The following SFXN5 variants were observed in gnomAD, a reference collection of about 807,000 sequenced individuals.
The protein encoded by SFXN5 is sideroflexin-5.
In SFXN5, 43 loss-of-function variants were observed where a neutral mutation model predicts 50.2. That is an observed-to-expected ratio of 0.86 (90% CI 0.67 to 1.11). The LOEUF is 1.11. Among genes scored for constraint, SFXN5 ranks in the 50% least tolerant of loss-of-function variants. The probability of loss-of-function intolerance (pLI) is 0.00; values close to 1 mark genes in which losing one functional copy is unlikely to be tolerated. For missense variants in SFXN5, 463 were observed against 454.1 expected (o/e 1.02, Z -0.18); for synonymous variants, 203 against 185.8 (o/e 1.09, Z -0.75).
At chr2:73,030,129 C>A (rs1678116625) in intron 3 of SFXN5, among the ~76,000 whole-genome samples, 2 of 151,434 alleles carry the variant, frequency 1.3e-5, no homozygotes, top group South Asian at 4.2e-4. Flanking sequence ...CAAAAAAAAA[C>A]AAAAACAAAA....
At chr2:73,068,839 C>G (rs1325709126) in intron 1 of SFXN5, among the ~76,000 whole-genome samples, 2 of 151,440 alleles carry the variant, frequency 1.3e-5, no homozygotes, top group East Asian at 1.9e-4. Flanking sequence ...AAAATCCAAC[C>G]TGGGAGTGCA....
chr2:72,977,709 T>C lies in SFXN5; in HGVS notation c.626-6024A>G, dbSNP rs140486180. Among the ~76,000 whole-genome samples, 1,054 of 152,262 alleles carry C rather than the reference T, an allele frequency of 6.9e-3. 15 individuals carry two copies. The highest frequency in any genetic ancestry group is 0.024 in the African/African-American group (1,005 of 41,536). ...GAAACTCTAGGTGGGGTGTGGTGCC[T>C]CACTCCTGTAATCCCAGCACTTTGG... On this transcript the variant is annotated intron_variant, in intron 10 of 13. Coordinates refer to ENST00000272433, the MANE Select transcript of SFXN5 (RefSeq NM_144579.3).
At chr2:73,020,542 G>A (rs899669382) in intron 5 of SFXN5, among the ~76,000 whole-genome samples, 1 of 152,080 alleles carries the variant, frequency 6.6e-6, no homozygotes, top group East Asian at 1.9e-4. Flanking sequence ...GGCTGCCTGC[G>A]ACCTGGGGCA....
rs1401093079 is a variant in SFXN5 at position 73,040,731 on chromosome 2, G to T, written c.249+123C>A. 2.3e-5 allele frequency: 16 copies of T among 691,000 alleles called. No homozygotes were observed. In the East Asian group the frequency reaches 4.5e-4, roughly 19 times the overall value. The allele number at this position is 691,000 out of a possible 1,614,324, so 42.8% of individuals were successfully genotyped here. A position where few individuals can be genotyped will look rare whatever the true frequency, so the allele number is the denominator to read the frequency against. ...TCCAAAGAGCTTTTAGTCCACAGGG[G>T]TATGTACCAGCAGAAGTATATGCTG... On this transcript the variant is annotated intron_variant, in intron 3 of 13. Transcript: ENST00000272433.
intron 12 of SFXN5, among the ~76,000 whole-genome samples, chr2:72,966,463 A>G (rs1192420057): frequency 3.3e-5 from 5 of 152,218 alleles, no homozygotes; most frequent in Non-Finnish European, 7.3e-5. Flanking sequence ...AGTCAGGGGC[A>G]CAAAAGAGCC....
intron 1 of SFXN5, among the ~76,000 whole-genome samples, chr2:73,061,603 C>A (rs1462491373): frequency 1.3e-5 from 2 of 151,968 alleles, no homozygotes; most frequent in Non-Finnish European, 2.9e-5. Context: ...TTCTTGCAAC[C>A]TTTCTGTAAG....
intron 3 of SFXN5, among the ~76,000 whole-genome samples, chr2:73,035,581 C>A (rs1447661847): frequency 6.7e-6 from 1 of 149,620 alleles, no homozygotes; most frequent in Non-Finnish European, 1.5e-5. Context: ...CTCACTGCAA[C>A]CTCCACCTCC....
In SFXN5 at chr2:72,944,836, C is replaced by T. The variant is rs1671752579; in HGVS notation, c.*186G>A. 1.8e-6 allele frequency: 1 copy of T among 570,754 alleles called. No homozygotes were observed. Among genetic ancestry groups the T allele is most frequent in the Non-Finnish European group, 3.1e-6 (1 of 319,880 alleles). 35.4% of individuals were successfully genotyped at this position (570,754 alleles called of 1,614,324 possible). ...TTTTTTTGTACGAAATGTGTTAGAA[C>T]TCCTCTTGCCTATGTTAAAATGTGA... is the stretch of plus-strand genomic sequence containing the variant. On this transcript the variant is annotated 3_prime_UTR_variant, in exon 14 of 14. Transcript: ENST00000272433.
At chr2:73,009,738 T>A (rs1024274673) in intron 6 of SFXN5, among the ~76,000 whole-genome samples, 3 of 152,218 alleles carry the variant, frequency 2.0e-5, no homozygotes, top group Admixed American at 2.0e-4. Flanking sequence ...ATTCACAGCA[T>A]CTGCTTCAGC....
intron 6 of SFXN5, among the ~76,000 whole-genome samples, chr2:73,006,992 A>G (rs2105740406): frequency 6.6e-6 from 1 of 152,328 alleles, no homozygotes; most frequent in African/African-American, 2.4e-5. Context: ...GAAAAATCAC[A>G]TCTTCACTTT....
intron 1 of SFXN5, among the ~76,000 whole-genome samples, chr2:73,063,988 A>G (rs985604344): frequency 6.6e-6 from 1 of 152,208 alleles, no homozygotes; most frequent in Non-Finnish European, 1.5e-5. Flanking sequence ...TACTGGAAGA[A>G]TGAGTCAGCC....
intron 2 of SFXN5, among the ~76,000 whole-genome samples, chr2:73,057,239 A>G (rs975984424): frequency 2.0e-5 from 3 of 152,164 alleles, no homozygotes; most frequent in African/African-American, 7.2e-5. Context: ...CTCAGGCTCA[A>G]GCAATCCTCC....
At chr2:73,047,598 C>T (rs1680676413) in intron 2 of SFXN5, among the ~76,000 whole-genome samples, 1 of 151,830 alleles carries the variant, frequency 6.6e-6, no homozygotes, top group African/African-American at 2.4e-5. Flanking sequence ...CTCATTAGAT[C>T]TGATGGTTTT....
chr2:72,976,779 T>A (rs535636833), intron 10 of SFXN5, among the ~76,000 whole-genome samples: 1 of 152,242 alleles, frequency 6.6e-6, no homozygotes, highest in East Asian at 1.9e-4. Context: ...AAGGCTATTA[T>A]GTTAATACCT....
intron 8 of SFXN5, 94 bp from the exon 9 acceptor site, chr2:72,999,108 C>T (rs1673602266): frequency 7.4e-7 from 1 of 1,349,068 alleles, no homozygotes; most frequent in African/African-American, 1.4e-5. Context: ...AAGCATCCTG[C>T]CCACCAGCCT....
In SFXN5 at chr2:72,945,244, A is replaced by G; in HGVS notation, c.946-145T>C. On this transcript the variant is annotated intron_variant, in intron 13 of 13. Coordinates refer to ENST00000272433, the MANE Select transcript of SFXN5 (RefSeq NM_144579.3). This position sits in a 1 kb window ranked among gnomAD's most constrained non-coding sequence, Gnocchi z 5.8. ...ACCCCAGCCAGGGCTCACATGCCCT[A>G]CCTAGTGACACATCTTCCTTCTCCA... 1.4e-6 allele frequency: 1 copy of G among 702,210 alleles called. No individual in the cohort carries two copies. Among genetic ancestry groups the G allele is most frequent in the Non-Finnish European group, 2.5e-6 (1 of 400,158 alleles). 43.5% of individuals were successfully genotyped at this position (702,210 alleles called of 1,614,324 possible).
At chr2:73,050,018 T>C (rs1681037419) in intron 2 of SFXN5, 1 of 146,806 alleles carries the variant, frequency 6.8e-6, no homozygotes, top group Admixed American at 6.8e-5. Context: ...AAATCTAAAA[T>C]CCAACAGGGC....
intron 2 of SFXN5, among the ~76,000 whole-genome samples, chr2:73,043,027 C>A (rs568012256): frequency 6.6e-6 from 1 of 152,310 alleles, no homozygotes; most frequent in East Asian, 1.9e-4. Context: ...GAGATCGCAC[C>A]ACTGCACTCC....
At chr2:73,038,513 G>A (rs1296941719) in intron 3 of SFXN5, among the ~76,000 whole-genome samples, 4 of 152,110 alleles carry the variant, frequency 2.6e-5, no homozygotes, top group Non-Finnish European at 4.4e-5. Context: ...GTGTGGTGGT[G>A]TGTTACTCAG....
Sources: gnomAD v4.1 joint callset for allele counts (sites outside exome capture counted in the v4.1 genomes callset) on GRCh38, gnomAD v4.1.1 for gene constraint, Gnocchi (gnomAD v3.1) non-coding constraint, MANE v1.5 for transcripts, NCBI Gene and HGNC (gene_info 2026-07-23, HGNC 2026-07-21) for gene names.